BANK1: variants seen among roughly 807,000 people sequenced by gnomAD.
BANK1 encodes B-cell scaffold protein with ankyrin repeats.
BANK1 carries 95 observed loss-of-function variants against 94.5 expected under a neutral mutation model. The ratio of observed to expected loss-of-function variants is 1.00; its 90% confidence interval spans 0.85 to 1.19. BANK1 has a LOEUF of 1.19. BANK1 is among the 50% of genes most tolerant of loss of function. The probability of loss-of-function intolerance (pLI) is 0.00; values close to 1 mark genes in which losing one functional copy is unlikely to be tolerated. For missense variants in BANK1, 987 were observed against 932.2 expected (o/e 1.06, Z -0.77); for synonymous variants, 334 against 308.4 (o/e 1.08, Z -0.87).
chr4:102,070,255 C>G (rs560577984), intron 13 of BANK1, among the ~76,000 whole-genome samples: 91 of 152,332 alleles, frequency 6.0e-4, no homozygotes, highest in African/African-American at 2.1e-3. Flanking sequence ...TGGCCAACTT[C>G]CAGCATCTTG....
At chr4:101,873,469 C>T (rs1728372909) in intron 5 of BANK1, among the ~76,000 whole-genome samples, 1 of 152,020 alleles carries the variant, frequency 6.6e-6, no homozygotes, top group South Asian at 2.1e-4. Context: ...ATTTAAGTTT[C>T]AGCAATTGTT....
chr4:101,816,206 A>T (rs1376819472), intron 1 of BANK1, among the ~76,000 whole-genome samples: 2 of 152,238 alleles, frequency 1.3e-5, no homozygotes, highest in Non-Finnish European at 2.9e-5. Context: ...CTCGCAAAGG[A>T]AAACTGAGAA....
At chr4:101,896,185 T>C (rs1467514646) in intron 6 of BANK1, among the ~76,000 whole-genome samples, 2 of 150,116 alleles carry the variant, frequency 1.3e-5, no homozygotes, top group African/African-American at 5.0e-5. Context: ...GTCAGTAGTA[T>C]ATTTTAGAAT....
chr4:101,922,541 A>C (rs1024085871), intron 7 of BANK1, among the ~76,000 whole-genome samples: 3 of 151,804 alleles, frequency 2.0e-5, no homozygotes, highest in Non-Finnish European at 4.4e-5. Flanking sequence ...CAATTGAAAG[A>C]CTTGTCTTAT....
Position 101,809,491 on chromosome 4 carries a change from A to C in BANK1, c.70+18541A>C, listed in dbSNP as rs565697870. On this transcript the variant is annotated intron_variant, in intron 1 of 16. Transcript: ENST00000322953. The stretch of plus-strand genomic sequence containing the variant: ...TCCCCCCAAAACTACTGAAATAAAT[A>C]TATATAAAAAATAAAAAATAGTGGA... 5.9e-5 allele frequency among the ~76,000 whole-genome samples: 9 copies of C among 152,234 alleles called. No homozygotes were observed. In the South Asian group the frequency reaches 1.4e-3, roughly 25 times the overall value.
At chr4:101,904,960 G>T (rs1405706908) in intron 6 of BANK1, among the ~76,000 whole-genome samples, 2 of 152,134 alleles carry the variant, frequency 1.3e-5, no homozygotes, top group African/African-American at 4.8e-5. Flanking sequence ...TCACAGGTAG[G>T]ACATTTATCA....
intron 7 of BANK1, among the ~76,000 whole-genome samples, chr4:101,993,828 C>G (rs571325232): frequency 5.3e-5 from 8 of 152,294 alleles, no homozygotes; most frequent in Non-Finnish European, 1.2e-4. Context: ...TTCCATTTTC[C>G]AAAAGATCTA....
chr4:101,848,280 T>G lies in BANK1; in HGVS notation c.470-6755T>G, dbSNP rs895553939. 2.6e-5 allele frequency among the ~76,000 whole-genome samples: 4 copies of G among 152,122 alleles called. 1 individual carries two copies. The highest frequency in any genetic ancestry group is 2.6e-4 in the Admixed American group (4 of 15,274). ...CTGTGGGTCCTCTCGGGATTGCTGG[T>G]TTGTTCTTGTAGTTAATCTGGAGCT... is the stretch of plus-strand genomic sequence containing the variant. On this transcript the variant is annotated intron_variant, in intron 2 of 16. Coordinates refer to ENST00000322953, the MANE Select transcript of BANK1 (RefSeq NM_017935.5).
At chr4:101,802,133 C>A (rs1725374801) in intron 1 of BANK1, among the ~76,000 whole-genome samples, 1 of 152,208 alleles carries the variant, frequency 6.6e-6, no homozygotes, top group Non-Finnish European at 1.5e-5. Flanking sequence ...AGGGACCACA[C>A]CCTCCTCTAC....
intron 1 of BANK1, among the ~76,000 whole-genome samples, chr4:101,794,992 A>G (rs890230974): frequency 6.6e-6 from 1 of 152,018 alleles, no homozygotes; most frequent in Non-Finnish European, 1.5e-5. Flanking sequence ...CATGTGTTCT[A>G]CATTATAGAG....
At position 102,007,079 on chromosome 4, in the gene BANK1, T is replaced by A. The variant is rs1441942066; in HGVS notation, c.1207-14435T>A. 7.3e-5 allele frequency among the ~76,000 whole-genome samples: 5 copies of A among 68,056 alleles called. No homozygotes were observed. In the South Asian group the frequency reaches 1.3e-3, roughly 17 times the overall value. The allele number at this position is 68,056 out of a possible 152,430, so 44.6% of individuals were successfully genotyped here. On this transcript the variant is annotated intron_variant, in intron 7 of 16. Transcript: ENST00000322953. ...TAAAATATATAATTTTATATATATA[T>A]AAATATATATATAATATATTTATAT...
At chr4:101,947,278 GTTGTAAA>G (rs1470663785) in intron 7 of BANK1, among the ~76,000 whole-genome samples, 1 of 67,086 alleles carries the variant, frequency 1.5e-5, no homozygotes, top group Non-Finnish European at 3.0e-5. Flanking sequence ...GTTTGAAGAA[GTTGTAAA>G]TATATATATA....
intron 7 of BANK1, among the ~76,000 whole-genome samples, chr4:101,983,539 G>C (rs1431957405): frequency 6.6e-6 from 1 of 152,080 alleles, no homozygotes; most frequent in Non-Finnish European, 1.5e-5. Flanking sequence ...ATGCCTGGCA[G>C]CCATTATAAT....
intron 7 of BANK1, among the ~76,000 whole-genome samples, chr4:101,940,691 C>T (rs551374226): frequency 1.6e-4 from 25 of 151,806 alleles, no homozygotes; most frequent in African/African-American, 2.4e-5. Context: ...ATTTTTCTCA[C>T]GATTAAACTG....
chr4:101,984,469 A>G (rs1340793934), intron 7 of BANK1, among the ~76,000 whole-genome samples: 2 of 152,092 alleles, frequency 1.3e-5, no homozygotes, highest in Admixed American at 1.3e-4. Flanking sequence ...TAAGGATATT[A>G]TCTCATTTAC....
chr4:102,049,158 A>C (rs2148958760), intron 11 of BANK1, among the ~76,000 whole-genome samples: 1 of 152,304 alleles, frequency 6.6e-6, no homozygotes, highest in South Asian at 2.1e-4. Flanking sequence ...ATAAGGGAAG[A>C]TGGCTTTCCA....
At chr4:101,807,458 A>G (rs1482038625) in intron 1 of BANK1, among the ~76,000 whole-genome samples, 1 of 152,152 alleles carries the variant, frequency 6.6e-6, no homozygotes, top group Non-Finnish European at 1.5e-5. Flanking sequence ...AAACCGAGAC[A>G]TTGTCCTGGA....
chr4:101,955,344 A>G (rs1724301594), intron 7 of BANK1, among the ~76,000 whole-genome samples: 2 of 152,232 alleles, frequency 1.3e-5, no homozygotes, highest in Admixed American at 1.3e-4. Flanking sequence ...AAAGAAATTT[A>G]TCAGGTCTTA....
chr4:102,069,911 AT>A (rs1728705117), intron 13 of BANK1, among the ~76,000 whole-genome samples: 1 of 152,206 alleles, frequency 6.6e-6, no homozygotes, highest in East Asian at 1.9e-4. Context: ...GGAATACTAC[AT>A]GCTGTAGTAT....
Sources: gnomAD v4.1 joint callset for allele counts (sites outside exome capture counted in the v4.1 genomes callset) on GRCh38, gnomAD v4.1.1 for gene constraint, MANE v1.5 for transcripts, NCBI Gene and HGNC (gene_info 2026-07-23, HGNC 2026-07-21) for gene names.